CHRM3: variants seen among roughly 807,000 people sequenced by gnomAD.
CHRM3 encodes the protein cholinergic receptor muscarinic 3.
A neutral mutation model predicts 41.8 loss-of-function variants in CHRM3; 11 were observed. The ratio of observed to expected loss-of-function variants is 0.26; its 90% confidence interval spans 0.17 to 0.44. The LOEUF is 0.44. Among genes scored for constraint, CHRM3 ranks in the 20% least tolerant of loss-of-function variants. CHRM3 has a pLI of 1.00. For synonymous variants in CHRM3, 297 were observed against 301.4 expected, an observed-to-expected ratio of 0.99 and a Z score of 0.15; for missense variants, 571 against 745.4, an observed-to-expected ratio of 0.77 and a Z score of 2.72.
chr1:239,470,210 A>T (rs1434419614), intron 1 of CHRM3, among the ~76,000 whole-genome samples: 2 of 152,138 alleles, frequency 1.3e-5, no homozygotes, highest in Non-Finnish European at 2.9e-5. Context: ...GTGAAGATGG[A>T]AGCCTATAGT....
At chr1:239,640,506 G>T (rs1671003215) in intron 4 of CHRM3, among the ~76,000 whole-genome samples, 1 of 152,184 alleles carries the variant, frequency 6.6e-6, no homozygotes, top group African/African-American at 2.4e-5. Flanking sequence ...GGGTGTATGT[G>T]TCGAGGAATT....
intron 3 of CHRM3, among the ~76,000 whole-genome samples, chr1:239,567,292 TA>T (rs1189913630): frequency 7.2e-6 from 1 of 138,822 alleles, no homozygotes; most frequent in Non-Finnish European, 1.5e-5. Flanking sequence ...GGCAACACAG[TA>T]AGACCTCATC....
At chr1:239,500,698 GAA>G (rs955834516) in intron 2 of CHRM3, among the ~76,000 whole-genome samples, 1 of 143,868 alleles carries the variant, frequency 7.0e-6, no homozygotes, top group African/African-American at 2.5e-5. Context: ...ATGTTAAAAA[GAA>G]AAAAAAACAC....
intron 3 of CHRM3, among the ~76,000 whole-genome samples, chr1:239,562,484 A>G (rs1660950968): frequency 6.6e-6 from 1 of 152,180 alleles, no homozygotes. Context: ...GATTGTCTCT[A>G]TCATTTCTAT....
intron 5 of CHRM3, among the ~76,000 whole-genome samples, chr1:239,679,391 A>G (rs991466967): frequency 2.0e-5 from 3 of 152,094 alleles, no homozygotes; most frequent in African/African-American, 7.2e-5. Flanking sequence ...TGAGCTCAAG[A>G]CCTAACTCTA....
intron 3 of CHRM3, among the ~76,000 whole-genome samples, chr1:239,589,960 A>G (rs1463844710): frequency 6.6e-6 from 1 of 152,030 alleles, no homozygotes; most frequent in Non-Finnish European, 1.5e-5. Context: ...TTTATTTTTT[A>G]TTTAAAAACC....
chr1:239,520,272 G>A (rs1424491734), intron 2 of CHRM3, among the ~76,000 whole-genome samples: 4 of 152,190 alleles, frequency 2.6e-5, no homozygotes, highest in Non-Finnish European at 5.9e-5. Flanking sequence ...GATATAGTTT[G>A]AATATGTGTC....
chr1:239,872,500 G>A (rs927628769), intron 6 of CHRM3, among the ~76,000 whole-genome samples: 11 of 152,116 alleles, frequency 7.2e-5, no homozygotes, highest in African/African-American at 2.2e-4. Context: ...GCCCCAACCC[G>A]AAATCAGCAC....
intron 6 of CHRM3, among the ~76,000 whole-genome samples, chr1:239,844,707 T>C (rs1422154887): frequency 6.6e-6 from 1 of 152,220 alleles, no homozygotes; most frequent in African/African-American, 2.4e-5. Context: ...AAGTAGACTA[T>C]TATTATCAAG....
rs1017486987 is a variant in CHRM3 at position 239,706,072 on chromosome 1, A to G, written c.-147+27784A>G. Among the ~76,000 whole-genome samples, 13 of 149,294 alleles carry G rather than the reference A, an allele frequency of 8.7e-5. No homozygotes were observed. The East Asian group carries it at 2.5e-3, about 29-fold the overall frequency. ...TTGTTTTTTATAAATTATTAAATTT[A>G]TTTTATGTTATATTTATATATTATA... On this transcript the variant is annotated intron_variant, in intron 5 of 6. Transcript: ENST00000676153.
At position 239,838,147 on chromosome 1, in the gene CHRM3, G is replaced by T. The variant is rs557355227; in HGVS notation, c.-20+10769G>T. Among the ~76,000 whole-genome samples, 6 of 152,272 alleles carry T rather than the reference G, an allele frequency of 3.9e-5. No homozygotes were observed. The South Asian group carries it at 1.2e-3, about 32-fold the overall frequency. On this transcript the variant is annotated intron_variant, in intron 6 of 6. Coordinates refer to ENST00000676153, the MANE Select transcript of CHRM3 (RefSeq NM_001375978.1). ...TCTAAGTGGTGGATAAATAGTGCCA[G>T]AAGAAATTCCAGGGACTATATGATT...
At chr1:239,694,484 T>C (rs1413653645) in intron 5 of CHRM3, among the ~76,000 whole-genome samples, 1 of 152,146 alleles carries the variant, frequency 6.6e-6, no homozygotes, top group Non-Finnish European at 1.5e-5. Context: ...TAAGGAAAGG[T>C]CTTAGACATT....
chr1:239,683,140 G>A (rs1297293028), intron 5 of CHRM3, among the ~76,000 whole-genome samples: 1 of 152,050 alleles, frequency 6.6e-6, no homozygotes, highest in Non-Finnish European at 1.5e-5. Context: ...TTTTGGGTGT[G>A]ATTATTTTGG....
chr1:239,583,927 A>T (rs922394237), intron 3 of CHRM3, among the ~76,000 whole-genome samples: 2 of 151,970 alleles, frequency 1.3e-5, no homozygotes, highest in African/African-American at 2.4e-5. Flanking sequence ...CACACCACAA[A>T]CTTAAACCTC....
chr1:239,431,124 T>A (rs1269098282), intron 1 of CHRM3, among the ~76,000 whole-genome samples: 1 of 152,138 alleles, frequency 6.6e-6, no homozygotes, highest in Non-Finnish European at 1.5e-5. Flanking sequence ...AAAATAAAAT[T>A]CATGTATTCG....
intron 4 of CHRM3, among the ~76,000 whole-genome samples, chr1:239,664,350 A>T (rs544848880): frequency 5.3e-5 from 8 of 152,346 alleles, no homozygotes; most frequent in African/African-American, 1.9e-4. Context: ...GCATTGTTAA[A>T]AGTCCTGCTT....
chr1:239,755,535 G>A (rs1666171301), intron 5 of CHRM3, among the ~76,000 whole-genome samples: 1 of 152,134 alleles, frequency 6.6e-6, no homozygotes, highest in Non-Finnish European at 1.5e-5. Context: ...GATTTATTTA[G>A]TTCAGATTGA....
At chr1:239,563,542 A>G (rs995398515) in intron 3 of CHRM3, among the ~76,000 whole-genome samples, 7 of 152,218 alleles carry the variant, frequency 4.6e-5, no homozygotes, top group African/African-American at 1.7e-4. Flanking sequence ...AGATTTTTCA[A>G]TAATCATGAA....
chr1:239,867,328 CTG>C (rs996674041), intron 6 of CHRM3, among the ~76,000 whole-genome samples: 5 of 152,166 alleles, frequency 3.3e-5, no homozygotes, highest in African/African-American at 1.2e-4. Context: ...TATTTGAAAA[CTG>C]AATCAGATTG....
Sources: allele counts gnomAD v4.1 joint callset (sites outside exome capture counted in the v4.1 genomes callset), GRCh38; gene constraint gnomAD v4.1.1; transcripts MANE v1.5; gene names NCBI Gene and HGNC (gene_info 2026-07-23, HGNC 2026-07-21).